METTL9: variants seen among roughly 807,000 people sequenced by gnomAD.
METTL9 encodes the protein methyltransferase 9, His-X-His N1(pi)-histidine, also known as protein-L-histidine N-pros-methyltransferase.
Under a neutral mutation model 36.0 loss-of-function variants are expected in METTL9, and 10 were observed. The observed-to-expected ratio is 0.28, with a 90% CI of 0.17 to 0.47. The LOEUF (loss-of-function observed/expected upper bound fraction) is 0.47. Among genes scored for constraint, METTL9 ranks in the 20% least tolerant of loss-of-function variants. METTL9 has a pLI of 0.99. For missense variants in METTL9, 246 were observed against 383.5 expected (o/e 0.64, Z 3.00); for synonymous variants, 175 against 149.7 (o/e 1.17, Z -1.23).
intron 1 of METTL9, among the ~76,000 whole-genome samples, chr16:21,604,690 C>T (rs1965227633): frequency 6.6e-6 from 1 of 152,216 alleles, no homozygotes. Context: ...ACTGAGTTGA[C>T]TGCATTGTAA....
chr16:21,597,327 C>A, upstream of METTL9: 1 of 1,279,306 alleles, frequency 7.8e-7, no homozygotes, highest in Non-Finnish European at 1.0e-6. Flanking sequence ...ACTCTGCTAC[C>A]TTCAGGCAAA....
At chr16:21,627,107 CTA>C in intron 4 of METTL9, 1 of 985,296 alleles carries the variant, frequency 1.0e-6, no homozygotes, top group Non-Finnish European at 1.2e-6. Flanking sequence ...TTTTAGTGAC[CTA>C]TAAATTTTGC....
chr16:21,655,135 C>A, intron 4 of METTL9, 92 bp from the exon 5 acceptor site: 2 of 1,182,294 alleles, frequency 1.7e-6, no homozygotes, highest in Non-Finnish European at 2.4e-6. Flanking sequence ...TTGGAACGTA[C>A]CAAGTCCTTG....
rs527565402 is a variant in METTL9 at position 21,603,157 on chromosome 16, G to A, written c.165+3259G>A. ...TAACAAACAGCTTTTTTTTTTTTTTGGAGACAGGGTCTCACTGTGTCACCC... is the reference window on the plus strand; with the variant it reads ...TAACAAACAGCTTTTTTTTTTTTTTAGAGACAGGGTCTCACTGTGTCACCC... On this transcript the variant is annotated intron_variant, in intron 1 of 4. Transcript: ENST00000358154. Among the ~76,000 whole-genome samples, 14 of 117,858 alleles carry A rather than the reference G, an allele frequency of 1.2e-4. No individual in the cohort carries two copies. In the South Asian group the frequency reaches 3.6e-3, roughly 31 times the overall value. The allele number at this position is 117,858 out of a possible 152,430, so 77.3% of individuals were successfully genotyped here.
chr16:21,624,581 G>T lies in METTL9; in HGVS notation c.567-350G>T, dbSNP rs186073091. Among the ~76,000 whole-genome samples the T allele has an allele frequency of 5.0e-3, 763 of 152,086 alleles. 3 individuals are homozygous for T. Among genetic ancestry groups the T allele is most frequent in the Non-Finnish European group, 9.0e-3 (615 of 67,988 alleles). On this transcript the variant is annotated intron_variant, in intron 3 of 4. Transcript: ENST00000358154. ...GTCTCTACTAAAAACACAAAAATTA[G>T]CCGGGCATGGTGGCAACTGCCTGTA...
At chr16:21,653,345 A>G (rs950974284) in intron 4 of METTL9, 6 of 151,874 alleles carry the variant, frequency 4.0e-5, no homozygotes, top group African/African-American at 1.2e-4. Flanking sequence ...TGTTAGGATT[A>G]CAGGTGTGAG....
intron 3 of METTL9, among the ~76,000 whole-genome samples, chr16:21,621,966 C>T (rs1965708546): frequency 6.6e-6 from 1 of 150,554 alleles, no homozygotes; most frequent in South Asian, 2.1e-4. Context: ...CCTCAGCCTC[C>T]CGAGTAGCTG....
rs139235809 is a variant in METTL9, at chr16:21,652,285, C to CTTTG, written c.752-2941_752-2938dup. The CTTTG allele has an allele frequency of 9.3e-3, 3,461 of 371,036 alleles. 127 individuals are homozygous for CTTTG. Among genetic ancestry groups the CTTTG allele is most frequent in the East Asian group, 0.067 (1,580 of 23,528 alleles). 23.0% of individuals were successfully genotyped at this position (371,036 alleles called of 1,614,324 possible). On this transcript the variant is annotated intron_variant, in intron 4 of 4. Transcript: ENST00000358154. The stretch of plus-strand genomic sequence containing the variant: ...TACGATTTTAAGAATATTTTCAACC[C>CTTTG]TTTGGTCAGATTGTCTCCAATTAGC...
chr16:21,626,248 A>G (rs973633974), intron 4 of METTL9, among the ~76,000 whole-genome samples: 20 of 152,110 alleles, frequency 1.3e-4, no homozygotes, highest in Admixed American at 1.1e-3. Flanking sequence ...ATTGACCTTG[A>G]CTTCAGAAAC....
intron 4 of METTL9, chr16:21,646,388 C>G (rs1850798828): frequency 6.6e-6 from 1 of 152,242 alleles, no homozygotes; most frequent in Admixed American, 6.5e-5. Flanking sequence ...TGCTTATTCT[C>G]CATGTTGCAT....
intron 3 of METTL9, 100 bp downstream of exon 3, chr16:21,618,174 C>A (rs557499159): frequency 1.6e-5 from 14 of 900,582 alleles, no homozygotes; most frequent in South Asian, 9.7e-5. Context: ...TTTAAAAAAT[C>A]ATCTCATACA....
At chr16:21,601,412 T>C (rs1210698143) in intron 1 of METTL9, among the ~76,000 whole-genome samples, 1 of 152,176 alleles carries the variant, frequency 6.6e-6, no homozygotes, top group Admixed American at 6.5e-5. Flanking sequence ...GAAAAAGCGA[T>C]TTATCTCCAT....
At position 21,599,847 on chromosome 16, in the gene METTL9, C is replaced by T; in HGVS notation, c.114C>T (p.Ser38=). Residue 38 remains serine (S), a synonymous_variant, in exon 1 of 5, where the codon AGC becomes AGT. Transcript: ENST00000358154. This position sits in a 1 kb window ranked among gnomAD's most constrained non-coding sequence, Gnocchi z 4.4. ...LTRSLYVNMT[S]GPGGPAAAAG... is the part of the protein sequence containing the mutation. ...GCTCCCTGTACGTGAACATGACTAG[C>T]GGCCCGGGTGGGCCGGCGGCGGCCG... 6.6e-7 allele frequency: 1 copy of T among 1,519,358 alleles called. No individual in the cohort carries two copies. Among genetic ancestry groups the T allele is most frequent in the Admixed American group, 2.1e-5 (1 of 48,080 alleles). The allele number at this position is 1,519,358 out of a possible 1,614,324, so 94.1% of individuals were successfully genotyped here. A position where few individuals can be genotyped will look rare whatever the true frequency, so the allele number is the denominator to read the frequency against.
chr16:21,621,507 A>G (rs974765411), intron 3 of METTL9, among the ~76,000 whole-genome samples: 1 of 151,930 alleles, frequency 6.6e-6, no homozygotes, highest in Non-Finnish European at 1.5e-5. Context: ...TTTGTATTTT[A>G]GCAGAGATAA....
At chr16:21,618,906 G>C (rs1237063039) in intron 3 of METTL9, among the ~76,000 whole-genome samples, 5 of 152,050 alleles carry the variant, frequency 3.3e-5, no homozygotes, top group Non-Finnish European at 7.4e-5. Context: ...AGTAGGGATA[G>C]GGTTTCACTA....
intron 1 of METTL9, among the ~76,000 whole-genome samples, chr16:21,608,976 T>C (rs1350359057): frequency 1.3e-5 from 2 of 152,196 alleles, no homozygotes; most frequent in Non-Finnish European, 1.5e-5. Context: ...TTGAATCAGC[T>C]GGAGCTGCTT....
chr16:21,630,150 G>A lies in METTL9; in HGVS notation c.751+5035G>A, dbSNP rs143364437. Among the ~76,000 whole-genome samples, 1,348 of 152,324 alleles carry A rather than the reference G, an allele frequency of 8.8e-3. 46 individuals carry two copies. Among genetic ancestry groups the A allele is most frequent in the East Asian group, 0.083 (429 of 5,180 alleles). On this transcript the variant is annotated intron_variant, in intron 4 of 4. Coordinates refer to ENST00000358154, the MANE Select transcript of METTL9 (RefSeq NM_016025.5). ...CCCCACCCGACCCAGAAGCCCAGCTGGCTTCACCTCTCAATGGCACTGGCT... is the reference window on the plus strand; with the variant it reads ...CCCCACCCGACCCAGAAGCCCAGCTAGCTTCACCTCTCAATGGCACTGGCT...
chr16:21,649,941 T>C (rs1441742019), intron 4 of METTL9, among the ~76,000 whole-genome samples: 1 of 152,104 alleles, frequency 6.6e-6, no homozygotes, highest in Non-Finnish European at 1.5e-5. Flanking sequence ...ACTCCTGGGC[T>C]CAAGCAATCC....
chr16:21,643,094 C>T (rs780004119), intron 4 of METTL9: 26 of 1,606,472 alleles, frequency 1.6e-5, no homozygotes, highest in South Asian at 2.2e-5. Flanking sequence ...TTTGTTTCCA[C>T]ATGTCTCTTA....
Sources: allele counts gnomAD v4.1 joint callset (sites outside exome capture counted in the v4.1 genomes callset), GRCh38; gene constraint gnomAD v4.1.1; non-coding constraint Gnocchi (gnomAD v3.1); transcripts MANE v1.5; gene names NCBI Gene and HGNC (gene_info 2026-07-23, HGNC 2026-07-21).